Variants in DDI2 observed in about 807,000 individuals in gnomAD.
The protein encoded by DDI2 is DDI proteasomal shuttling factor 2.
Under a neutral mutation model 48.1 loss-of-function variants are expected in DDI2, and 5 were observed. The ratio of observed to expected loss-of-function variants is 0.10; its 90% CI spans 0.05 to 0.22. The LOEUF is 0.22. Among genes scored for constraint, DDI2 ranks in the 10% least tolerant of loss-of-function variants. The pLI, the probability that DDI2 is intolerant of heterozygous loss-of-function variation, is 1.00. For missense variants in DDI2, 285 were observed against 506.2 expected (o/e 0.56, Z 4.19); for synonymous variants, 205 against 183.6 (o/e 1.12, Z -0.94).
intron 5 of DDI2, among the ~76,000 whole-genome samples, chr1:15,639,879 G>A (rs1277498721): frequency 6.6e-5 from 10 of 152,052 alleles, no homozygotes; most frequent in Non-Finnish European, 1.3e-4. Context: ...GTGGTGGTGC[G>A]TACCTATAGT....
At position 15,660,332 on chromosome 1, in the gene DDI2, A is replaced by C; in HGVS notation, c.*542A>C. 1 of 1,614,196 alleles carries C rather than the reference A, an allele frequency of 6.2e-7. No homozygotes were observed. Among genetic ancestry groups the C allele is most frequent in the Middle Eastern group, 1.6e-4 (1 of 6,062 alleles). On this transcript the variant is annotated 3_prime_UTR_variant, in exon 10 of 10. Coordinates refer to ENST00000480945, the MANE Select transcript of DDI2 (RefSeq NM_032341.5). The stretch of plus-strand genomic sequence containing the variant: ...CTAGGTGAAAAGGATTGGCATCCAG[A>C]AAATCAGAACCTGAGTCAAGTGAGT...
intron 4 of DDI2, among the ~76,000 whole-genome samples, chr1:15,635,986 G>A (rs376345092): frequency 6.6e-6 from 1 of 152,188 alleles, no homozygotes; most frequent in African/African-American, 2.4e-5. Flanking sequence ...ACACAGGTTC[G>A]ATAGCTTTCA....
intron 6 of DDI2, among the ~76,000 whole-genome samples, chr1:15,645,180 C>T (rs1287341221): frequency 6.6e-6 from 1 of 152,250 alleles, no homozygotes; most frequent in African/African-American, 2.4e-5. Flanking sequence ...GCGTGAGCCA[C>T]CGTTCCCAGC....
At position 15,619,482 on chromosome 1, in the gene DDI2, T is replaced by C. The variant is rs78347301; in HGVS notation, c.138+1674T>C. 3.9e-3 allele frequency among the ~76,000 whole-genome samples: 585 copies of C among 149,966 alleles called. 2 individuals are homozygous for C. The highest frequency in any genetic ancestry group is 0.013 in the African/African-American group (533 of 40,588). On this transcript the variant is annotated intron_variant, in intron 1 of 9. Coordinates refer to ENST00000480945, the MANE Select transcript of DDI2 (RefSeq NM_032341.5). ...TTTCTTTTCTTTTCTTTTTTTTTTTTCGAGACGGAGTCTCTGTCGCCTAGG... is the reference window on the plus strand; with the variant it reads ...TTTCTTTTCTTTTCTTTTTTTTTTTCCGAGACGGAGTCTCTGTCGCCTAGG...
chr1:15,667,671 C>T lies in DDI2; in HGVS notation c.*7881C>T, dbSNP rs373538044. 34 of 152,310 alleles carry T rather than the reference C, an allele frequency of 2.2e-4. No individual in the cohort carries two copies. The South Asian group carries it at 7.0e-3, about 32-fold the overall frequency. 9.4% of individuals were successfully genotyped at this position (152,310 alleles called of 1,614,324 possible). On this transcript the variant is annotated 3_prime_UTR_variant, in exon 10 of 10. Transcript: ENST00000480945. ...ACCAGGCCTGTCTACAGGACAGCTT[C>T]ATCAAAGGGACATTTTTTAACCTGT...
At chr1:15,630,604 G>C (rs1639827966) in intron 3 of DDI2, 43 bp downstream of exon 3, 1 of 1,362,412 alleles carries the variant, frequency 7.3e-7, no homozygotes, top group Non-Finnish European at 1.0e-6. Context: ...GGCCTGAGGT[G>C]AAGAAGCTGT....
At chr1:15,652,994 GAC>G (rs1342210905) in intron 8 of DDI2, among the ~76,000 whole-genome samples, 1 of 152,098 alleles carries the variant, frequency 6.6e-6, no homozygotes, top group African/African-American at 2.4e-5. Flanking sequence ...AACAGAGTGA[GAC>G]ACTATCTCAT....
At chr1:15,641,615 T>C (rs865783132) in intron 5 of DDI2, among the ~76,000 whole-genome samples, 1 of 152,074 alleles carries the variant, frequency 6.6e-6, no homozygotes, top group African/African-American at 2.4e-5. Context: ...ATTGTCCTTT[T>C]GCAAGGGAAT....
intron 4 of DDI2, chr1:15,633,932 T>G (rs1012767660): frequency 4.0e-5 from 17 of 421,646 alleles, no homozygotes; most frequent in African/African-American, 2.9e-4. Flanking sequence ...ACTCTCTTTC[T>G]TTAGACATAT....
chr1:15,646,215 T>C (rs566206258), intron 6 of DDI2, among the ~76,000 whole-genome samples: 1 of 152,350 alleles, frequency 6.6e-6, no homozygotes, highest in Admixed American at 6.5e-5. Context: ...CCCGCCAGCC[T>C]TGCTGCTTTG....
At chr1:15,657,925 G>A (rs1640295422) in intron 9 of DDI2, among the ~76,000 whole-genome samples, 1 of 152,178 alleles carries the variant, frequency 6.6e-6, no homozygotes, top group African/African-American at 2.4e-5. Context: ...TTCATGGGAA[G>A]TCAATAGCTT....
intron 9 of DDI2, among the ~76,000 whole-genome samples, chr1:15,658,146 T>A (rs1015396210): frequency 6.6e-6 from 1 of 152,062 alleles, no homozygotes; most frequent in Non-Finnish European, 1.5e-5. Flanking sequence ...ATTTTTATTT[T>A]TTATTATTAT....
chr1:15,649,237 G>A (rs1306886309), intron 6 of DDI2, among the ~76,000 whole-genome samples: 2 of 152,140 alleles, frequency 1.3e-5, no homozygotes, highest in Non-Finnish European at 2.9e-5. Flanking sequence ...GGTGGTGCGT[G>A]TTTGTAATCC....
At chr1:15,644,082 T>A (rs1240224981) in intron 6 of DDI2, among the ~76,000 whole-genome samples, 1 of 152,228 alleles carries the variant, frequency 6.6e-6, no homozygotes, top group African/African-American at 2.4e-5. Context: ...TTGTCCTGTT[T>A]TTCTTACTTG....
At chr1:15,624,784 A>G (rs1019558446) in intron 1 of DDI2, among the ~76,000 whole-genome samples, 5 of 152,106 alleles carry the variant, frequency 3.3e-5, no homozygotes, top group Admixed American at 6.6e-5. Flanking sequence ...TTGCCAAGGT[A>G]TGATTTTTTC....
chr1:15,656,836 G>A, intron 9 of DDI2, 157 bp downstream of exon 9: 3 of 970,254 alleles, frequency 3.1e-6, no homozygotes, highest in Non-Finnish European at 4.4e-6. Context: ...ATTTTGGCAT[G>A]CATACATGGA....
chr1:15,642,114 A>G (rs1640020704), intron 5 of DDI2, among the ~76,000 whole-genome samples: 1 of 152,222 alleles, frequency 6.6e-6, no homozygotes, highest in African/African-American at 2.4e-5. Flanking sequence ...CCATTGGCAA[A>G]CACAGAGAAA....
chr1:15,641,798 T>C (rs1640012823), intron 5 of DDI2, among the ~76,000 whole-genome samples: 2 of 150,856 alleles, frequency 1.3e-5, no homozygotes, highest in Admixed American at 6.6e-5. Context: ...CTACTAAAAA[T>C]ACAAAAAATA....
chr1:15,653,356 G>T (rs1207343767), intron 8 of DDI2, among the ~76,000 whole-genome samples: 1 of 151,556 alleles, frequency 6.6e-6, no homozygotes, highest in Non-Finnish European at 1.5e-5. Context: ...GCTCACTGCA[G>T]CCTCAGTCTC....
Sources: allele counts gnomAD v4.1 joint callset (sites outside exome capture counted in the v4.1 genomes callset), GRCh38; gene constraint gnomAD v4.1.1; transcripts MANE v1.5; gene names NCBI Gene and HGNC (gene_info 2026-07-23, HGNC 2026-07-21).